STAG3: variants seen among roughly 807,000 people sequenced by gnomAD.
STAG3 encodes the protein STAG3 cohesin complex component, also known as cohesin subunit SA-3.
A neutral mutation model predicts 160.7 loss-of-function variants in STAG3; 101 were observed. That is an observed-to-expected ratio of 0.63 (90% CI 0.54 to 0.74). The LOEUF is 0.74. STAG3 is among the 30% of genes least tolerant of loss of function. The pLI, the probability that STAG3 is intolerant of heterozygous loss-of-function variation, is 0.00. For missense variants in STAG3, 1,188 were observed against 1,517.4 expected (o/e 0.78, Z 3.61); for synonymous variants, 519 against 585.0 (o/e 0.89, Z 1.63).
At chr7:100,196,401 C>T (rs1800695054) in intron 9 of STAG3, among the ~76,000 whole-genome samples, 1 of 152,008 alleles carries the variant, frequency 6.6e-6, no homozygotes, top group South Asian at 2.1e-4. Flanking sequence ...CTGCCTCAGC[C>T]TCCCAAGTAG....
chr7:100,183,680 TATTACCCAC>T (rs779080840), intron 4 of STAG3, among the ~76,000 whole-genome samples: 2 of 152,230 alleles, frequency 1.3e-5, no homozygotes, highest in Non-Finnish European at 2.9e-5. Context: ...ACAGTCTCCT[TATTACCCAC>T]AGGTAAACAC....
At chr7:100,181,476 A>G (rs959550803) in intron 2 of STAG3, 16 of 152,208 alleles carry the variant, frequency 1.1e-4, no homozygotes, top group African/African-American at 3.6e-4. Flanking sequence ...TGGATGAATG[A>G]TAGATGACTT....
chr7:100,199,490 G>A (rs1448954345), intron 15 of STAG3, 51 bp from the exon 16 acceptor site: 3 of 1,567,526 alleles, frequency 1.9e-6, no homozygotes, highest in Admixed American at 3.6e-5. Context: ...GCTTGGAGTT[G>A]GAAGGTGGCT....
chr7:100,194,440 T>G (rs2117217701), intron 8 of STAG3, among the ~76,000 whole-genome samples: 1 of 152,282 alleles, frequency 6.6e-6, no homozygotes, highest in East Asian at 1.9e-4. Flanking sequence ...ACAGACATTG[T>G]TAAGTTTGCC....
intron 29 of STAG3, 33 bp from the exon 30 acceptor site, chr7:100,210,978 G>A (rs1305035346): frequency 1.2e-6 from 2 of 1,603,982 alleles, no homozygotes; most frequent in Admixed American, 1.7e-5. Flanking sequence ...CGCAGGCCCT[G>A]GGCTGTGGTT....
At chr7:100,213,243 C>A in intron 32 of STAG3, 1 of 971,456 alleles carries the variant, frequency 1.0e-6, no homozygotes, top group Non-Finnish European at 1.2e-6. Context: ...GCCCCACTTC[C>A]AAACAGCATC....
rs775438117 is a variant in STAG3 at position 100,205,247 on chromosome 7, G to A, written c.3101G>A (p.Cys1034Tyr). Reference protein sequence around the residue: ...KQLLLSYLEKCLQHVSQAPGH... With the variant: ...KQLLLSYLEKYLQHVSQAPGH... ...CATAGACTGTCCTATCTAGAAAAGT[G>A]CCTGCAGCATGTCTCCCAGGCACCT... The change falls in exon 29 of 34, where the codon TGC (cysteine) becomes TAC (tyrosine). Residue 1034 changes from cysteine (C) to tyrosine (Y), a missense_variant. Cys to Tyr is a radical substitution (Grantham distance 194, BLOSUM62 -2). Coordinates refer to ENST00000615138, the MANE Select transcript of STAG3 (RefSeq NM_001282717.2). 3 of 1,613,934 alleles carry A rather than the reference G, an allele frequency of 1.9e-6. No individual in the cohort carries two copies. Among genetic ancestry groups the A allele is most frequent in the East Asian group, 2.2e-5 (1 of 44,886 alleles).
At chr7:100,191,145 A>G (rs1368910348) in intron 8 of STAG3, among the ~76,000 whole-genome samples, 1 of 152,026 alleles carries the variant, frequency 6.6e-6, no homozygotes, top group East Asian at 1.9e-4. Context: ...CTGCCATGGT[A>G]GGATGTTTAG....
intron 6 of STAG3, 126 bp from the exon 7 acceptor site, chr7:100,188,686 G>A: frequency 8.6e-7 from 1 of 1,165,898 alleles, no homozygotes; most frequent in East Asian, 2.4e-5. Context: ...CTCAAATTGG[G>A]GAGAATACCA....
chr7:100,200,478 C>T lies in STAG3; in HGVS notation c.1796C>T (p.Thr599Ile). 1.9e-6 allele frequency: 3 copies of T among 1,614,164 alleles called. No individual in the cohort carries two copies. Among genetic ancestry groups the T allele is most frequent in the Non-Finnish European group, 8.5e-7 (1 of 1,180,042 alleles). Reference sequence around the variant, plus strand: ...TTCTCAGCTGATGCAGAGAAGGTCACTCCCCTGCTCCAGCTTCTCAGCTGC... The same window carrying T: ...TTCTCAGCTGATGCAGAGAAGGTCATTCCCCTGCTCCAGCTTCTCAGCTGC... ...AKFSADAEKV[T>I]PLLQLLSCFD... is the part of the protein sequence containing the mutation. Residue 599 changes from threonine (T) to isoleucine (I), a missense_variant, in exon 18 of 34, where the codon ACT (threonine) becomes ATT (isoleucine). Thr to Ile is a moderately conservative substitution (Grantham distance 89, BLOSUM62 -1). Around this residue, in one of 4 missense-constraint regions of STAG3, gnomAD observed 240 missense variants for 358.1 expected, o/e 0.67. Transcript: ENST00000615138.
chr7:100,214,092 A>G lies in STAG3; in HGVS notation c.*77A>G, dbSNP rs1474550850. On this transcript the variant is annotated 3_prime_UTR_variant, in exon 34 of 34. Transcript: ENST00000615138. ...ATTTGGAAAAGGCAAAGAGAAAAGG[A>G]GCAAAATGAAGCATTCCCCCAGGCT... is the stretch of plus-strand genomic sequence containing the variant. 14 of 1,546,050 alleles carry G rather than the reference A, an allele frequency of 9.1e-6. No homozygotes were observed. The highest frequency in any genetic ancestry group is 2.0e-4 in the Middle Eastern group (1 of 4,946).
At position 100,203,890 on chromosome 7, in the gene STAG3, T is replaced by C. The variant is rs1801383706; in HGVS notation, c.2701-131T>C. The stretch of plus-strand genomic sequence containing the variant: ...ATTAGAGATGAAGTCTAGTCTGAAT[T>C]ATTTTATGCTTCAGTTCATGTTTCC... On this transcript the variant is annotated intron_variant, in intron 25 of 33. Coordinates refer to ENST00000615138, the MANE Select transcript of STAG3 (RefSeq NM_001282717.2). 14 of 607,076 alleles carry C rather than the reference T, an allele frequency of 2.3e-5. No homozygotes were observed. In the East Asian group the frequency reaches 4.0e-4, roughly 17 times the overall value. 37.6% of individuals were successfully genotyped at this position (607,076 alleles called of 1,614,324 possible). A position where few individuals can be genotyped will look rare whatever the true frequency, so the allele number is the denominator to read the frequency against.
Position 100,182,100 on chromosome 7 carries a change from T to C in STAG3, c.127T>C (p.Ser43Pro). ...SNHTSEGNGD[S>P]LLADEDTDFE... ...CATACTTTCTCACAGGAATGGCGACTCTTTGTTAGCTGATGAAGACACTGA... is the reference window on the plus strand; with the variant it reads ...CATACTTTCTCACAGGAATGGCGACCCTTTGTTAGCTGATGAAGACACTGA... Residue 43 changes from serine to proline, a missense_variant, in exon 3 of 34, where the codon TCT (serine) becomes CCT (proline). Around this residue, in one of 4 missense-constraint regions of STAG3, gnomAD observed 296 missense variants for 404.0 expected, o/e 0.73. Coordinates refer to ENST00000615138, the MANE Select transcript of STAG3 (RefSeq NM_001282717.2). The C allele has an allele frequency of 6.2e-7, 1 of 1,613,590 alleles. No homozygotes were observed. The highest frequency in any genetic ancestry group is 1.1e-5 in the South Asian group (1 of 91,064).
chr7:100,195,286 A>T (rs760815954), intron 8 of STAG3, 23 bp from the exon 9 acceptor site: 5 of 1,611,038 alleles, frequency 3.1e-6, no homozygotes, highest in Non-Finnish European at 4.2e-6. Context: ...AGAAAGATTA[A>T]CCCGTTTCTC....
chr7:100,178,252 G>A (rs1799402842), intron 1 of STAG3, among the ~76,000 whole-genome samples: 3 of 152,106 alleles, frequency 2.0e-5, no homozygotes, highest in African/African-American at 7.2e-5. Context: ...TTACCCCAGG[G>A]GCAGTCGTAG....
At position 100,200,338 on chromosome 7, in the gene STAG3, C is replaced by T; in HGVS notation, c.1770+10C>T. On this transcript the variant is annotated intron_variant, in intron 17 of 33. Coordinates refer to ENST00000615138, the MANE Select transcript of STAG3 (RefSeq NM_001282717.2). Reference sequence around the variant, plus strand: ...CCAGCTCCTGGCCAAGGTACCGCTGCCCCTCCACTCTGCATCACACCAAGA... The same window carrying T: ...CCAGCTCCTGGCCAAGGTACCGCTGTCCCTCCACTCTGCATCACACCAAGA... 6.2e-7 allele frequency: 1 copy of T among 1,613,726 alleles called. No homozygotes were observed. Among genetic ancestry groups the T allele is most frequent in the Non-Finnish European group, 8.5e-7 (1 of 1,179,778 alleles).
chr7:100,183,919 C>T (rs1184505821), intron 4 of STAG3, among the ~76,000 whole-genome samples: 1 of 152,044 alleles, frequency 6.6e-6, no homozygotes, highest in Admixed American at 6.6e-5. Flanking sequence ...GTTATATTTT[C>T]GTTATTTGAT....
chr7:100,185,571 C>T (rs1368394889), intron 4 of STAG3, among the ~76,000 whole-genome samples: 1 of 146,122 alleles, frequency 6.8e-6, no homozygotes, highest in Non-Finnish European at 1.5e-5. Context: ...CATTGCACTC[C>T]AGCTTGGGCT....
intron 32 of STAG3, chr7:100,212,087 A>G (rs1187782742): frequency 2.0e-6 from 1 of 507,394 alleles, no homozygotes; most frequent in Admixed American, 3.6e-5. Context: ...ACAAATACCA[A>G]AGAAGGTTGG....
Sources: gnomAD v4.1 joint callset for allele counts (sites outside exome capture counted in the v4.1 genomes callset) on GRCh38, gnomAD v4.1.1 for gene constraint, gnomAD v4.1.1 regional missense constraint, MANE v1.5 for transcripts, NCBI Gene and HGNC (gene_info 2026-07-23, HGNC 2026-07-21) for gene names.